Variants in CHRM3 observed in about 807,000 individuals in gnomAD.
The protein encoded by CHRM3 is cholinergic receptor muscarinic 3.
In CHRM3, 11 loss-of-function variants were observed where a neutral mutation model predicts 41.8. The ratio of observed to expected loss-of-function variants is 0.26; its 90% confidence interval spans 0.17 to 0.44. CHRM3 has a LOEUF of 0.44. Among genes scored for constraint, CHRM3 ranks in the 20% least tolerant of loss-of-function variants. CHRM3 has a pLI of 1.00. For synonymous variants in CHRM3, 297 were observed against 301.4 expected (o/e 0.99, Z 0.15); for missense variants, 571 against 745.4 (o/e 0.77, Z 2.72).
intron 1 of CHRM3, among the ~76,000 whole-genome samples, chr1:239,490,482 T>G (rs1667484801): frequency 6.6e-6 from 1 of 152,192 alleles, no homozygotes; most frequent in South Asian, 2.1e-4. Flanking sequence ...TAAGGACTGT[T>G]ACACTTGCAG....
intron 1 of CHRM3, among the ~76,000 whole-genome samples, chr1:239,483,840 T>C (rs1011913861): frequency 6.6e-6 from 1 of 152,142 alleles, no homozygotes. Flanking sequence ...AAATGACAAT[T>C]TGATATTGCA....
chr1:239,847,717 T>C (rs1674383047), intron 6 of CHRM3, among the ~76,000 whole-genome samples: 2 of 151,422 alleles, frequency 1.3e-5, no homozygotes, highest in South Asian at 2.1e-4. Flanking sequence ...CACATACATA[T>C]ACACACACAC....
chr1:239,842,851 C>T (rs1673933854), intron 6 of CHRM3, among the ~76,000 whole-genome samples: 1 of 152,154 alleles, frequency 6.6e-6, no homozygotes, highest in South Asian at 2.1e-4. Flanking sequence ...TTCCCATGGT[C>T]ACCATCCGGG....
In CHRM3 at chr1:239,640,753, GTC is replaced by G. The variant is rs545528374; in HGVS notation, c.-250+8471_-250+8472del. Among the ~76,000 whole-genome samples the G allele has an allele frequency of 3.7e-3, 562 of 150,458 alleles. 4 individuals are homozygous for G. The highest frequency in any genetic ancestry group is 0.017 in the South Asian group (81 of 4,664). On this transcript the variant is annotated intron_variant, in intron 4 of 6. Coordinates refer to ENST00000676153, the MANE Select transcript of CHRM3 (RefSeq NM_001375978.1). Reference sequence around the variant, plus strand: ...ATTAATTTTTTGAAGGGCTTTTTGTGTCTCTATTTCCTTCAGTTCTGCTCTGA... The same window carrying G: ...ATTAATTTTTTGAAGGGCTTTTTGTGTCTATTTCCTTCAGTTCTGCTCTGA...
intron 3 of CHRM3, among the ~76,000 whole-genome samples, chr1:239,578,082 T>C (rs180829352): frequency 5.2e-4 from 79 of 152,278 alleles, no homozygotes; most frequent in African/African-American, 1.8e-3. Context: ...GTGCCTATAA[T>C]GGACCAAGGA....
At chr1:239,811,694 C>T (rs563869113) in intron 5 of CHRM3, among the ~76,000 whole-genome samples, 10 of 152,100 alleles carry the variant, frequency 6.6e-5, no homozygotes, top group Non-Finnish European at 1.3e-4. Flanking sequence ...AAAGATACAC[C>T]GGAATGGGAC....
At chr1:239,493,119 T>A (rs573165305) in intron 2 of CHRM3, among the ~76,000 whole-genome samples, 1 of 152,306 alleles carries the variant, frequency 6.6e-6, no homozygotes, top group Non-Finnish European at 1.5e-5. Context: ...AGGGAAAGAT[T>A]TTTGCAAGGA....
At chr1:239,776,767 G>C (rs1668118564) in intron 5 of CHRM3, among the ~76,000 whole-genome samples, 1 of 152,128 alleles carries the variant, frequency 6.6e-6, no homozygotes, top group African/African-American at 2.4e-5. Flanking sequence ...ACAGGGCTGG[G>C]GAGGCCTCAG....
intron 5 of CHRM3, among the ~76,000 whole-genome samples, chr1:239,766,632 A>C (rs1356064193): frequency 1.3e-5 from 2 of 152,030 alleles, no homozygotes; most frequent in African/African-American, 4.8e-5. Flanking sequence ...ATAGATAGAC[A>C]TAAATATAGA....
chr1:239,898,976 AC>A (rs1184071500), intron 6 of CHRM3, among the ~76,000 whole-genome samples: 2 of 152,100 alleles, frequency 1.3e-5, no homozygotes, highest in East Asian at 1.9e-4. Flanking sequence ...GTACTGTCAA[AC>A]TTTTTTGTCT....
intron 6 of CHRM3, among the ~76,000 whole-genome samples, chr1:239,871,252 T>C (rs888610338): frequency 6.6e-6 from 1 of 152,150 alleles, no homozygotes; most frequent in South Asian, 2.1e-4. Flanking sequence ...TATTATTATA[T>C]TATTTTTTGA....
intron 6 of CHRM3, among the ~76,000 whole-genome samples, chr1:239,889,450 G>A (rs924041953): frequency 6.6e-6 from 1 of 152,114 alleles, no homozygotes; most frequent in African/African-American, 2.4e-5. Context: ...CTGGCCCCTA[G>A]GTAGCCCTTT....
chr1:239,683,868 A>G (rs768350542), intron 5 of CHRM3, among the ~76,000 whole-genome samples: 3 of 152,238 alleles, frequency 2.0e-5, no homozygotes, highest in Middle Eastern at 6.8e-3. Flanking sequence ...TATGCTATAT[A>G]TTGCTTCACT....
At chr1:239,483,556 C>A (rs918514559) in intron 1 of CHRM3, among the ~76,000 whole-genome samples, 1 of 152,180 alleles carries the variant, frequency 6.6e-6, no homozygotes, top group Admixed American at 6.5e-5. Flanking sequence ...ACTGTGAAAT[C>A]ATTTTGACAA....
intron 5 of CHRM3, among the ~76,000 whole-genome samples, chr1:239,745,716 A>G (rs1054630957): frequency 1.1e-4 from 16 of 152,202 alleles, no homozygotes; most frequent in Non-Finnish European, 2.2e-4. Flanking sequence ...GAGTTCTTCA[A>G]GGCAAAGATG....
At position 239,409,709 on chromosome 1, in the gene CHRM3, G is replaced by A. The variant is rs1171516428; in HGVS notation, c.-521+22482G>A. Among the ~76,000 whole-genome samples, 4 of 152,170 alleles carry A rather than the reference G, an allele frequency of 2.6e-5. No homozygotes were observed. In the East Asian group the frequency reaches 7.7e-4, roughly 29 times the overall value. On this transcript the variant is annotated intron_variant, in intron 1 of 6. Coordinates refer to ENST00000676153, the MANE Select transcript of CHRM3 (RefSeq NM_001375978.1). ...AGCGGAATGTGCACTTTGGGAGGCCGAGGTGGGCGGATCACGAGGTCAGGA... is the reference window on the plus strand; with the variant it reads ...AGCGGAATGTGCACTTTGGGAGGCCAAGGTGGGCGGATCACGAGGTCAGGA...
intron 5 of CHRM3, among the ~76,000 whole-genome samples, chr1:239,792,805 T>C (rs1040726598): frequency 1.3e-4 from 20 of 152,252 alleles, no homozygotes; most frequent in African/African-American, 4.3e-4. Context: ...TTGAGGTTTG[T>C]TCATCAAATT....
intron 2 of CHRM3, among the ~76,000 whole-genome samples, chr1:239,530,500 G>T (rs560926577): frequency 1.3e-5 from 2 of 152,152 alleles, no homozygotes; most frequent in Non-Finnish European, 1.5e-5. Flanking sequence ...TAATGAAAAA[G>T]AAGCATTCAA....
chr1:239,746,078 T>C (rs576304903), intron 5 of CHRM3, among the ~76,000 whole-genome samples: 1 of 152,318 alleles, frequency 6.6e-6, no homozygotes, highest in East Asian at 1.9e-4. Flanking sequence ...AATTCAGAAA[T>C]GCCCTTGAGT....
Sources: gnomAD v4.1 joint callset for allele counts (sites outside exome capture counted in the v4.1 genomes callset) on GRCh38, gnomAD v4.1.1 for gene constraint, MANE v1.5 for transcripts, NCBI Gene and HGNC (gene_info 2026-07-23, HGNC 2026-07-21) for gene names.